Variants in SPAG16 observed in about 807,000 individuals in gnomAD.
The protein encoded by SPAG16 is sperm associated antigen 16, also known as sperm-associated antigen 16 protein.
A neutral mutation model predicts 80.4 loss-of-function variants in SPAG16; 86 were observed. The ratio of observed to expected loss-of-function variants is 1.07; its 90% CI spans 0.90 to 1.28. The LOEUF is 1.28. Ranked by LOEUF, SPAG16 falls within the 50% of genes most tolerant of loss-of-function variation. SPAG16 has a pLI of 0.00. For missense variants in SPAG16, 870 were observed against 765.3 expected, an observed-to-expected ratio of 1.14 and a Z score of -1.61; for synonymous variants, 294 against 265.9, an observed-to-expected ratio of 1.11 and a Z score of -1.03.
intron 10 of SPAG16, among the ~76,000 whole-genome samples, chr2:213,619,353 C>A (rs967376633): frequency 6.6e-6 from 1 of 152,058 alleles, no homozygotes; most frequent in African/African-American, 2.4e-5. Context: ...GCAAAGGAAA[C>A]AATAAGCAAG....
intron 13 of SPAG16, among the ~76,000 whole-genome samples, chr2:214,105,405 A>G (rs1161507082): frequency 6.6e-6 from 1 of 152,138 alleles, no homozygotes; most frequent in Non-Finnish European, 1.5e-5. Flanking sequence ...TTATTATCTC[A>G]ATTAATTCTC....
chr2:214,013,827 T>C (rs1393083489), intron 12 of SPAG16, 124 bp from the exon 13 acceptor site: 2 of 913,866 alleles, frequency 2.2e-6, no homozygotes, highest in African/African-American at 3.3e-5. Context: ...TAAAATGTTG[T>C]TATTGTAAAA....
At chr2:214,245,482 C>T (rs538172526) in intron 15 of SPAG16, among the ~76,000 whole-genome samples, 146 of 152,174 alleles carry the variant, frequency 9.6e-4, no homozygotes, top group African/African-American at 3.4e-3. Context: ...AGTCATTGAG[C>T]ATTTTTCTCT....
At chr2:214,261,046 G>T (rs892914912) in intron 15 of SPAG16, among the ~76,000 whole-genome samples, 2 of 144,408 alleles carry the variant, frequency 1.4e-5, no homozygotes, top group African/African-American at 2.6e-5. Flanking sequence ...GGCAGAGGTT[G>T]CAGTGAGCCG....
intron 9 of SPAG16, among the ~76,000 whole-genome samples, chr2:213,441,643 A>G (rs2070963012): frequency 6.6e-6 from 1 of 152,234 alleles, no homozygotes; most frequent in Non-Finnish European, 1.5e-5. Context: ...TTAGAATTCA[A>G]TAAAATGTTG....
At chr2:213,285,549 C>T (rs1386764591) in intron 1 of SPAG16, among the ~76,000 whole-genome samples, 3 of 152,152 alleles carry the variant, frequency 2.0e-5, no homozygotes, top group Non-Finnish European at 4.4e-5. Context: ...GTAATCCTCT[C>T]CAGGTTTAAT....
intron 15 of SPAG16, among the ~76,000 whole-genome samples, chr2:214,245,797 A>C (rs868673831): frequency 1.3e-5 from 2 of 152,178 alleles, no homozygotes; most frequent in South Asian, 4.1e-4. Context: ...TGACATTTGC[A>C]CTGTTTTATT....
At chr2:214,100,032 G>T (rs1363932985) in intron 13 of SPAG16, among the ~76,000 whole-genome samples, 1 of 152,038 alleles carries the variant, frequency 6.6e-6, no homozygotes. Flanking sequence ...GTCGAGGGGA[G>T]ACCTGGTGGA....
chr2:213,842,909 C>T (rs2074433161), intron 10 of SPAG16, among the ~76,000 whole-genome samples: 1 of 152,132 alleles, frequency 6.6e-6, no homozygotes, highest in African/African-American at 2.4e-5. Context: ...AGGCTACAGG[C>T]ATATGCCACC....
intron 15 of SPAG16, among the ~76,000 whole-genome samples, chr2:214,191,733 A>G (rs2057671578): frequency 6.6e-6 from 1 of 150,960 alleles, no homozygotes. Context: ...AAAAGAAAAA[A>G]AAAAAAAAAG....
At chr2:213,462,568 G>A (rs1452794641) in intron 9 of SPAG16, among the ~76,000 whole-genome samples, 1 of 152,132 alleles carries the variant, frequency 6.6e-6, no homozygotes, top group Non-Finnish European at 1.5e-5. Flanking sequence ...ATTGAATAGT[G>A]GGGGTGGTTT....
At chr2:213,586,606 C>G (rs1043527876) in intron 10 of SPAG16, among the ~76,000 whole-genome samples, 1 of 152,208 alleles carries the variant, frequency 6.6e-6, no homozygotes, top group African/African-American at 2.4e-5. Context: ...AAAATCTTAA[C>G]TCATTTCAGA....
intron 14 of SPAG16, among the ~76,000 whole-genome samples, chr2:214,110,284 C>T (rs1394534503): frequency 6.6e-6 from 1 of 151,646 alleles, no homozygotes; most frequent in Admixed American, 6.6e-5. Context: ...TGCTATCCCT[C>T]CCCCAGCCCC....
At chr2:213,868,713 C>G (rs2075808557) in intron 11 of SPAG16, among the ~76,000 whole-genome samples, 1 of 152,138 alleles carries the variant, frequency 6.6e-6, no homozygotes, top group Admixed American at 6.5e-5. Context: ...GTGGTTTAAA[C>G]AATTTCACAG....
At chr2:213,768,950 G>A (rs2069098725) in intron 10 of SPAG16, among the ~76,000 whole-genome samples, 1 of 152,056 alleles carries the variant, frequency 6.6e-6, no homozygotes, top group Non-Finnish European at 1.5e-5. Flanking sequence ...AGGTCTGAGA[G>A]GTAAGAGGGA....
intron 10 of SPAG16, among the ~76,000 whole-genome samples, chr2:213,659,584 A>G (rs1039032285): frequency 3.9e-5 from 6 of 152,172 alleles, no homozygotes; most frequent in Non-Finnish European, 7.4e-5. Context: ...TGTAAATATA[A>G]AAGATCAAAG....
chr2:214,000,892 C>T (rs2046761107), intron 12 of SPAG16, among the ~76,000 whole-genome samples: 1 of 152,118 alleles, frequency 6.6e-6, no homozygotes, highest in Non-Finnish European at 1.5e-5. Flanking sequence ...GCCTTCATTT[C>T]AGCCAGGCTT....
At chr2:213,576,973 TGTGTACTGAGG>T (rs1458948662) in intron 10 of SPAG16, among the ~76,000 whole-genome samples, 104 of 152,214 alleles carry the variant, frequency 6.8e-4, no homozygotes, top group African/African-American at 2.5e-3. Flanking sequence ...TAGGTAAACT[TGTGTACTGAGG>T]GTTTGTTGTA....
intron 10 of SPAG16, among the ~76,000 whole-genome samples, chr2:213,495,935 G>T (rs1381775426): frequency 6.6e-6 from 1 of 152,106 alleles, no homozygotes; most frequent in Non-Finnish European, 1.5e-5. Context: ...ATGTACTTGG[G>T]GATCAAAGAG....
Sources: allele counts gnomAD v4.1 joint callset (sites outside exome capture counted in the v4.1 genomes callset), GRCh38; gene constraint gnomAD v4.1.1; transcripts MANE v1.5; gene names NCBI Gene and HGNC (gene_info 2026-07-23, HGNC 2026-07-21).